LRRTM4: variants seen among roughly 807,000 people sequenced by gnomAD.
The protein encoded by LRRTM4 is leucine rich repeat transmembrane neuronal 4.
A neutral mutation model predicts 47.6 loss-of-function variants in LRRTM4; 25 were observed. That is an observed-to-expected ratio of 0.53 (90% CI 0.38 to 0.73). The LOEUF is 0.73. Ranked by LOEUF, LRRTM4 falls within the 30% of genes least tolerant of loss-of-function variation. LRRTM4 has a pLI of 0.00. For missense variants in LRRTM4, 638 were observed against 713.4 expected (o/e 0.89, Z 1.20); for synonymous variants, 311 against 269.5 (o/e 1.15, Z -1.51).
intron 3 of LRRTM4, among the ~76,000 whole-genome samples, chr2:77,007,412 T>G (rs76074181): frequency 6.6e-6 from 1 of 152,130 alleles, no homozygotes; most frequent in African/African-American, 2.4e-5. Context: ...CATGTAAAAT[T>G]TGCTGAGATA....
At chr2:77,247,436 G>C (rs6547133) in intron 3 of LRRTM4, among the ~76,000 whole-genome samples, 83,107 of 151,880 alleles carry the variant, frequency 0.55, 23,106 homozygotes, top group African/African-American at 0.6. Context: ...AAAACCGTCT[G>C]TCTATTTTCT....
chr2:76,883,625 C>T (rs1172798890), intron 3 of LRRTM4, among the ~76,000 whole-genome samples: 1 of 152,172 alleles, frequency 6.6e-6, no homozygotes, highest in Non-Finnish European at 1.5e-5. Context: ...TAAAGCTTCT[C>T]ACCATATGCC....
chr2:77,272,085 T>A (rs114240085), intron 3 of LRRTM4, among the ~76,000 whole-genome samples: 1 of 152,180 alleles, frequency 6.6e-6, no homozygotes, highest in African/African-American at 2.4e-5. Context: ...TTTTGAAACC[T>A]TACCCATCCA....
chr2:77,044,943 G>T (rs1433756061), intron 3 of LRRTM4, among the ~76,000 whole-genome samples: 3 of 151,782 alleles, frequency 2.0e-5, no homozygotes, highest in Non-Finnish European at 4.4e-5. Context: ...ATGTGTGTGT[G>T]TATGTGGCAC....
intron 3 of LRRTM4, among the ~76,000 whole-genome samples, chr2:77,097,505 T>C (rs1670842089): frequency 6.6e-6 from 1 of 151,868 alleles, no homozygotes; most frequent in South Asian, 2.1e-4. Flanking sequence ...GTTTTACAGA[T>C]CACAGTCACT....
At chr2:77,025,835 A>T (rs941669605) in intron 3 of LRRTM4, among the ~76,000 whole-genome samples, 1 of 152,174 alleles carries the variant, frequency 6.6e-6, no homozygotes, top group Non-Finnish European at 1.5e-5. Flanking sequence ...ATGCCATTTT[A>T]TCAACAGTTA....
In LRRTM4 at chr2:77,455,119, CAGA is replaced by C. The variant is rs1206718318; in HGVS notation, c.1551+63196_1551+63198del. Among the ~76,000 whole-genome samples, 4 of 152,190 alleles carry C rather than the reference CAGA, an allele frequency of 2.6e-5. No homozygotes were observed. In the East Asian group the frequency reaches 7.8e-4, roughly 30 times the overall value. The stretch of plus-strand genomic sequence containing the variant: ...AGGAGAATCTCTTGACCCTGGGAGG[CAGA>C]GGTTGCAGTGAGCTGAGATAGCACC... On this transcript the variant is annotated intron_variant, in intron 3 of 3. Transcript: ENST00000409884.
intron 3 of LRRTM4, among the ~76,000 whole-genome samples, chr2:77,113,411 CGCATAGCGACGCAT>C (rs1553391945): frequency 2.0e-5 from 3 of 152,214 alleles, no homozygotes; most frequent in Non-Finnish European, 4.4e-5. Flanking sequence ...GATTGAGCGG[CGCATAGCGACGCAT>C]TTGTACACCT....
At chr2:77,055,870 A>G (rs1679587222) in intron 3 of LRRTM4, among the ~76,000 whole-genome samples, 1 of 151,870 alleles carries the variant, frequency 6.6e-6, no homozygotes, top group South Asian at 2.1e-4. Context: ...ATAAAAAAGG[A>G]TGAGTTCACG....
At chr2:77,374,435 A>G (rs1362887800) in intron 3 of LRRTM4, among the ~76,000 whole-genome samples, 1 of 151,838 alleles carries the variant, frequency 6.6e-6, no homozygotes, top group Non-Finnish European at 1.5e-5. Flanking sequence ...GTAGACAGAT[A>G]TTGTTTTCAC....
chr2:76,896,975 C>G (rs1331569244), intron 3 of LRRTM4, among the ~76,000 whole-genome samples: 2 of 151,664 alleles, frequency 1.3e-5, no homozygotes, highest in African/African-American at 4.8e-5. Context: ...GGAATCTCTA[C>G]CTTGAATTGT....
intron 3 of LRRTM4, among the ~76,000 whole-genome samples, chr2:77,199,138 A>C (rs184058446): frequency 6.6e-6 from 1 of 152,180 alleles, no homozygotes; most frequent in African/African-American, 2.4e-5. Flanking sequence ...TAATCTCTAT[A>C]GGGACATTAA....
intron 3 of LRRTM4, among the ~76,000 whole-genome samples, chr2:77,299,653 A>G (rs1176707139): frequency 6.6e-6 from 1 of 152,066 alleles, no homozygotes; most frequent in African/African-American, 2.4e-5. Context: ...ATGAAAGCCT[A>G]AGTAAAACTG....
intron 3 of LRRTM4, among the ~76,000 whole-genome samples, chr2:77,251,338 T>G (rs538540891): frequency 6.6e-6 from 1 of 151,506 alleles, no homozygotes; most frequent in East Asian, 2.0e-4. Context: ...TAAATGCACT[T>G]GTCTATTGTA....
chr2:77,087,473 G>A (rs1680756012), intron 3 of LRRTM4, among the ~76,000 whole-genome samples: 1 of 152,226 alleles, frequency 6.6e-6, no homozygotes, highest in Non-Finnish European at 1.5e-5. Flanking sequence ...CAGGTTGGTA[G>A]TAACCCAGAA....
chr2:77,082,468 T>G (rs1253744615), intron 3 of LRRTM4, among the ~76,000 whole-genome samples: 1 of 152,088 alleles, frequency 6.6e-6, no homozygotes, highest in African/African-American at 2.4e-5. Flanking sequence ...TATGGTAAAT[T>G]TGTACAACTT....
chr2:77,071,379 A>G (rs984192488), intron 3 of LRRTM4, among the ~76,000 whole-genome samples: 1 of 152,182 alleles, frequency 6.6e-6, no homozygotes, highest in Non-Finnish European at 1.5e-5. Context: ...TCCAATATGC[A>G]TTATTATAAT....
At chr2:77,349,998 T>G (rs2104293760) in intron 3 of LRRTM4, among the ~76,000 whole-genome samples, 1 of 152,200 alleles carries the variant, frequency 6.6e-6, no homozygotes, top group African/African-American at 2.4e-5. Flanking sequence ...GAACTTCAAC[T>G]TTTTCACTCG....
intron 3 of LRRTM4, among the ~76,000 whole-genome samples, chr2:77,065,550 A>G (rs1197614710): frequency 6.6e-6 from 1 of 152,200 alleles, no homozygotes; most frequent in East Asian, 1.9e-4. Flanking sequence ...ACTAAATTAC[A>G]TTTTGTAACA....
Sources: allele counts gnomAD v4.1 joint callset (sites outside exome capture counted in the v4.1 genomes callset), GRCh38; gene constraint gnomAD v4.1.1; transcripts MANE v1.5; gene names NCBI Gene and HGNC (gene_info 2026-07-23, HGNC 2026-07-21).